RPRD1B: variants seen among roughly 807,000 people sequenced by gnomAD.
RPRD1B encodes the protein regulation of nuclear pre-mRNA domain containing 1B, also known as regulation of nuclear pre-mRNA domain-containing protein 1B.
RPRD1B carries 11 observed loss-of-function variants against 41.5 expected under a neutral mutation model. The observed-to-expected ratio is 0.27, with a 90% confidence interval of 0.17 to 0.44. The LOEUF (loss-of-function observed/expected upper bound fraction) is 0.44. Ranked by LOEUF, RPRD1B falls within the 20% of genes least tolerant of loss-of-function variation. The pLI is 1.00. For missense variants in RPRD1B, 248 were observed against 389.9 expected (o/e 0.64, Z 3.06); for synonymous variants, 158 against 155.6 (o/e 1.02, Z -0.12).
chr20:38,088,941 C>T lies in RPRD1B; in HGVS notation c.832-785C>T, dbSNP rs1166048249. ...GCTAGGGCTAGGAGAAGAGAGAGAC[C>T]CCCTCCAGGCTTGCGGGGAATCCTG... On this transcript the variant is annotated intron_variant, in intron 6 of 6. Coordinates refer to ENST00000373433, the MANE Select transcript of RPRD1B (RefSeq NM_021215.4). 2.0e-5 allele frequency among the ~76,000 whole-genome samples: 3 copies of T among 152,098 alleles called. No individual in the cohort carries two copies. In the East Asian group the frequency reaches 5.8e-4, roughly 29 times the overall value.
chr20:38,047,927 T>TG (rs2074136364), intron 2 of RPRD1B, among the ~76,000 whole-genome samples: 2 of 152,186 alleles, frequency 1.3e-5, no homozygotes, highest in African/African-American at 4.8e-5. Flanking sequence ...ATTGATGAGT[T>TG]GCAGTGAATT....
intron 6 of RPRD1B, among the ~76,000 whole-genome samples, chr20:38,083,454 AG>A (rs748607419): frequency 2.0e-5 from 3 of 152,160 alleles, no homozygotes; most frequent in Non-Finnish European, 4.4e-5. Flanking sequence ...TTTTTTAGTT[AG>A]TATAGACACT....
chr20:38,069,560 A>T (rs2074391177), intron 6 of RPRD1B, among the ~76,000 whole-genome samples: 1 of 152,248 alleles, frequency 6.6e-6, no homozygotes, highest in African/African-American at 2.4e-5. Flanking sequence ...CCAGTGGGAG[A>T]TTAAGGTCTG....
rs73298454 is a variant in RPRD1B at position 38,079,102 on chromosome 20, C to G, written c.832-10624C>G. Among the ~76,000 whole-genome samples the G allele has an allele frequency of 2.8e-3, 424 of 152,200 alleles. 3 individuals carry two copies. The highest frequency in any genetic ancestry group is 9.7e-3 in the African/African-American group (401 of 41,510). On this transcript the variant is annotated intron_variant, in intron 6 of 6. Transcript: ENST00000373433. ...ATCAGATCTGTCGATTCAAATGGAA[C>G]AGTTTAGCAAGTGCCTGTTCTCACC... is the stretch of plus-strand genomic sequence containing the variant.
At chr20:38,044,128 G>T (rs2074096861) in intron 2 of RPRD1B, among the ~76,000 whole-genome samples, 1 of 152,202 alleles carries the variant, frequency 6.6e-6, no homozygotes, top group Non-Finnish European at 1.5e-5. Context: ...AGCAGCAGCA[G>T]CAGAGGGTGA....
intron 6 of RPRD1B, among the ~76,000 whole-genome samples, chr20:38,078,981 A>G (rs1600437028): frequency 6.6e-6 from 1 of 152,158 alleles, no homozygotes; most frequent in African/African-American, 2.4e-5. Flanking sequence ...CTTTTTCTTC[A>G]ACTCTGCATG....
rs566618615 is a variant in RPRD1B at position 38,044,755 on chromosome 20, G to A, written c.282-3593G>A. 7.9e-5 allele frequency among the ~76,000 whole-genome samples: 12 copies of A among 152,274 alleles called. No individual in the cohort carries two copies. The South Asian group carries it at 2.5e-3, about 32-fold the overall frequency. ...CCCTTACCAGTTAGGAAATGGTAGG[G>A]ACACTCGGAAATCCCAAGTTCCCAG... is the stretch of plus-strand genomic sequence containing the variant. On this transcript the variant is annotated intron_variant, in intron 2 of 6. Coordinates refer to ENST00000373433, the MANE Select transcript of RPRD1B (RefSeq NM_021215.4).
intron 1 of RPRD1B, among the ~76,000 whole-genome samples, chr20:38,040,155 A>G (rs1157261186): frequency 3.3e-5 from 5 of 152,218 alleles, no homozygotes; most frequent in African/African-American, 2.4e-5. Flanking sequence ...ATCCTTTAGG[A>G]ATTCTCTTTG....
chr20:38,078,821 A>G (rs1286446816), intron 6 of RPRD1B, among the ~76,000 whole-genome samples: 1 of 152,056 alleles, frequency 6.6e-6, no homozygotes, highest in Non-Finnish European at 1.5e-5. Flanking sequence ...TTTGTTTTCC[A>G]ATATTATAGG....
At chr20:38,078,220 G>T (rs1016608330) in intron 6 of RPRD1B, among the ~76,000 whole-genome samples, 2 of 150,430 alleles carry the variant, frequency 1.3e-5, no homozygotes, top group African/African-American at 4.9e-5. Context: ...CCCCTCCTGT[G>T]CCCTATGACT....
chr20:38,067,466 A>G (rs571827129), intron 6 of RPRD1B, among the ~76,000 whole-genome samples: 4 of 152,332 alleles, frequency 2.6e-5, no homozygotes, highest in South Asian at 4.1e-4. Context: ...TGCTCAGGAA[A>G]CGTGCTCTGG....
chr20:38,072,656 T>C (rs556029226), intron 6 of RPRD1B, among the ~76,000 whole-genome samples: 44 of 152,328 alleles, frequency 2.9e-4, no homozygotes, highest in African/African-American at 1.0e-3. Context: ...GGGGATGTCT[T>C]CACATTTATT....
At chr20:38,074,373 A>G (rs1476955978) in intron 6 of RPRD1B, among the ~76,000 whole-genome samples, 2 of 152,140 alleles carry the variant, frequency 1.3e-5, no homozygotes, top group African/African-American at 4.8e-5. Context: ...GAAACCTATG[A>G]TACTTATTTT....
Position 38,048,476 on chromosome 20 carries a change from C to A in RPRD1B, c.410C>A (p.Pro137His), listed in dbSNP as rs140300358. ...ATGGAGGACTCCAAGAGCCCTCCCCCCAAAGGTAGAAACATCACCACATGT... is the reference window on the plus strand; with the variant it reads ...ATGGAGGACTCCAAGAGCCCTCCCCACAAAGGTAGAAACATCACCACATGT... ...LSMEDSKSPPPKATEEKKSLK... is the reference protein window; with the variant it reads ...LSMEDSKSPPHKATEEKKSLK... The change falls in exon 3 of 7, where the codon CCC becomes CAC. Residue 137 changes from proline to histidine, a missense_variant. Pro to His is a moderately conservative substitution (Grantham distance 77). Coordinates refer to ENST00000373433, the MANE Select transcript of RPRD1B (RefSeq NM_021215.4). 2.2e-5 allele frequency: 35 copies of A among 1,603,192 alleles called. No homozygotes were observed. Among genetic ancestry groups the A allele is most frequent in the Middle Eastern group, 1.7e-4 (1 of 6,010 alleles).
intron 3 of RPRD1B, among the ~76,000 whole-genome samples, chr20:38,053,471 A>G (rs1282702722): frequency 1.3e-5 from 2 of 152,218 alleles, no homozygotes; most frequent in South Asian, 4.1e-4. Context: ...GTAGAGGAAT[A>G]AGACACAAAG....
intron 6 of RPRD1B, among the ~76,000 whole-genome samples, chr20:38,084,635 C>T (rs1012527167): frequency 4.6e-5 from 7 of 152,166 alleles, no homozygotes; most frequent in Admixed American, 3.9e-4. Context: ...AATGTGTAAG[C>T]CCTGCTCTCT....
Position 38,059,435 on chromosome 20 carries a change from C to A in RPRD1B, c.570C>A (p.Ala190=), listed in dbSNP as rs371316452. 3 of 1,613,546 alleles carry A rather than the reference C, an allele frequency of 1.9e-6. No homozygotes were observed. Among genetic ancestry groups the A allele is most frequent in the Non-Finnish European group, 2.5e-6 (3 of 1,179,770 alleles). The change falls in exon 5 of 7, where the codon GCC becomes GCA. Residue 190 remains alanine (A), a synonymous_variant. Transcript: ENST00000373433. The stretch of plus-strand genomic sequence containing the variant: ...AAGCTTTGCAGGATCTGGAAAATGC[C>A]GCATCAGGGGATGCTACTGTCCGAC... The part of the protein sequence containing the change: ...LIKALQDLEN[A]ASGDATVRQK...
chr20:38,056,062 C>CT (rs1303632046), intron 3 of RPRD1B, among the ~76,000 whole-genome samples: 1 of 152,114 alleles, frequency 6.6e-6, no homozygotes, highest in African/African-American at 2.4e-5. Flanking sequence ...TTCCTGTCTC[C>CT]TTTTTTTGTA....
chr20:38,037,234 A>G (rs761440255), intron 1 of RPRD1B, among the ~76,000 whole-genome samples: 2 of 152,134 alleles, frequency 1.3e-5, no homozygotes, highest in Admixed American at 6.5e-5. Context: ...AATTTATCCC[A>G]TTTGAGCTCT....
Sources: allele counts gnomAD v4.1 joint callset (sites outside exome capture counted in the v4.1 genomes callset), GRCh38; gene constraint gnomAD v4.1.1; transcripts MANE v1.5; gene names NCBI Gene and HGNC (gene_info 2026-07-23, HGNC 2026-07-21).